TEX11: variants seen among roughly 807,000 people sequenced by gnomAD.
The protein encoded by TEX11 is testis-expressed protein 11.
A neutral mutation model predicts 84.4 loss-of-function variants in TEX11; 7 were observed. The observed-to-expected ratio is 0.08, with a 90% CI of 0.05 to 0.16. TEX11 has a LOEUF of 0.16. TEX11 is among the 10% of genes least tolerant of loss of function. TEX11 has a pLI of 1.00. For missense variants in TEX11, 551 were observed against 660.5 expected (o/e 0.83, Z 1.82); for synonymous variants, 264 against 222.8 (o/e 1.18, Z -1.64).
Position 70,814,339 on chromosome X carries a change from C to A in TEX11, c.607-7549G>T, listed in dbSNP as rs182318113. Among the ~76,000 whole-genome samples, 1,032 of 111,761 alleles carry A rather than the reference C, an allele frequency of 9.2e-3. 7 individuals are homozygous for A. The highest frequency in any genetic ancestry group is 0.032 in the African/African-American group (979 of 30,838). ...CGATCTTTGACAAACCTGACAAAAA[C>A]CAGTGAGTCATTTTTAAGGCTCAAA... On this transcript the variant is annotated intron_variant, in intron 8 of 29. Coordinates refer to ENST00000374333, the MANE Select transcript of TEX11 (RefSeq NM_031276.3).
chrX:70,825,376 A>G (rs1409478810), intron 8 of TEX11, among the ~76,000 whole-genome samples: 1 of 108,884 alleles, frequency 9.2e-6, no homozygotes, highest in African/African-American at 3.3e-5. Flanking sequence ...TCAATAAAAA[A>G]CTACTCGGTA....
chrX:70,682,549 T>C, intron 14 of TEX11, 125 bp downstream of exon 14: 1 of 736,995 alleles, frequency 1.4e-6, no homozygotes, highest in Non-Finnish European at 2.0e-6. Flanking sequence ...AAAAGACCAT[T>C]AGGGAGGAAG....
chrX:70,724,893 TA>T (rs1230568368), intron 12 of TEX11, among the ~76,000 whole-genome samples: 8 of 111,342 alleles, frequency 7.2e-5, no homozygotes, highest in African/African-American at 2.6e-4. Context: ...GCAATGTTTA[TA>T]AACAAGTAAT....
chrX:70,566,072 T>A (rs2088469753), intron 25 of TEX11, among the ~76,000 whole-genome samples: 1 of 108,546 alleles, frequency 9.2e-6, no homozygotes, highest in Non-Finnish European at 1.9e-5. Flanking sequence ...TATCCTCTTT[T>A]ATTTCCTTGA....
At chrX:70,545,029 A>T (rs960411857) in intron 28 of TEX11, among the ~76,000 whole-genome samples, 1 of 109,354 alleles carries the variant, frequency 9.1e-6, no homozygotes, top group Non-Finnish European at 1.9e-5. Context: ...ATGTGGTGAA[A>T]CCTCGTCTCC....
chrX:70,717,046 C>G (rs764907692), intron 13 of TEX11, among the ~76,000 whole-genome samples: 1 of 111,677 alleles, frequency 9.0e-6, no homozygotes, highest in South Asian at 3.7e-4. Context: ...ACCTGCTTTT[C>G]TAGAATCCAA....
At chrX:70,655,429 C>T (rs2089855169) in intron 16 of TEX11, among the ~76,000 whole-genome samples, 1 of 111,376 alleles carries the variant, frequency 9.0e-6, no homozygotes, top group South Asian at 3.8e-4. Context: ...ATTATAAAAT[C>T]AAAATACCAT....
intron 8 of TEX11, among the ~76,000 whole-genome samples, 189 bp from the exon 9 acceptor site, chrX:70,806,979 C>T (rs2091223198): frequency 8.9e-6 from 1 of 112,211 alleles, no homozygotes; most frequent in Non-Finnish European, 1.9e-5. Flanking sequence ...AATAAGCTTC[C>T]TTATCAAAAC....
chrX:70,873,158 A>C, intron 4 of TEX11, 65 bp downstream of exon 4: 1 of 659,752 alleles, frequency 1.5e-6, no homozygotes. Context: ...TTTAAACTGC[A>C]GGAATACTAC....
At chrX:70,534,766 T>A (rs2087934606) in intron 28 of TEX11, among the ~76,000 whole-genome samples, 1 of 112,306 alleles carries the variant, frequency 8.9e-6, no homozygotes. Flanking sequence ...ATCAGCTTTA[T>A]TAAGATACAA....
chrX:70,678,872 G>T lies in TEX11; in HGVS notation c.1174C>A (p.Gln392Lys). 8.5e-7 allele frequency: 1 copy of T among 1,171,891 alleles called. No homozygotes were observed. The highest frequency in any genetic ancestry group is 2.4e-5 in the Admixed American group (1 of 41,823). The change falls in exon 15 of 30, where the codon CAA becomes AAA. Residue 392 changes from glutamine to lysine, a missense_variant. By Grantham distance (53) the Gln-to-Lys change is moderately conservative. Coordinates refer to ENST00000374333, the MANE Select transcript of TEX11 (RefSeq NM_031276.3). ...EIFLAHQTGR[Q>K]LTAESMNWLH... is the part of the protein sequence containing the mutation. The stretch of plus-strand genomic sequence containing the variant: ...CAGTTCATTGATTCTGCTGTCAGTT[G>T]TCTTCCTGTTTGGTGAGCTGAAAAA...
chrX:70,644,599 A>G (rs1375460460), intron 17 of TEX11, among the ~76,000 whole-genome samples: 2 of 102,661 alleles, frequency 1.9e-5, no homozygotes, highest in Non-Finnish European at 4.0e-5. Context: ...GCCATAAAAA[A>G]TGATGAGTTC....
chrX:70,521,814 G>A, the TEX11 span, among the ~76,000 whole-genome samples: 1 of 111,421 alleles, frequency 9.0e-6, no homozygotes, highest in African/African-American at 3.3e-5. Flanking sequence ...GAAAAGAAAG[G>A]TAGCATGAGG....
At chrX:70,647,480 AG>A (rs1471960493) in intron 17 of TEX11, among the ~76,000 whole-genome samples, 1 of 110,307 alleles carries the variant, frequency 9.1e-6, no homozygotes. Flanking sequence ...GGGAGGCTGA[AG>A]CAGGAGGATT....
At chrX:70,867,775 G>C (rs1199861037) in intron 4 of TEX11, among the ~76,000 whole-genome samples, 1 of 111,446 alleles carries the variant, frequency 9.0e-6, no homozygotes, top group Non-Finnish European at 1.9e-5. Context: ...AAGCAATGGG[G>C]GAAGGATTCC....
chrX:70,639,397 C>A (rs1053458041), intron 17 of TEX11, among the ~76,000 whole-genome samples: 9 of 111,940 alleles, frequency 8.0e-5, no homozygotes, highest in African/African-American at 2.9e-4. Flanking sequence ...CCGGGAAGCT[C>A]GAACTGAGTG....
intron 25 of TEX11, among the ~76,000 whole-genome samples, chrX:70,583,586 T>C (rs1396134601): frequency 8.9e-6 from 1 of 112,443 alleles, no homozygotes. Flanking sequence ...GGTGCTGGTA[T>C]CTTTTTAATA....
At chrX:70,758,065 A>C (rs996264331) in intron 9 of TEX11, among the ~76,000 whole-genome samples, 1 of 112,088 alleles carries the variant, frequency 8.9e-6, no homozygotes, top group African/African-American at 3.2e-5. Flanking sequence ...GTTCAACAAG[A>C]AGAGCTAACT....
chrX:70,833,665 T>C, intron 7 of TEX11, 72 bp from the exon 8 acceptor site: 2 of 823,002 alleles, frequency 2.4e-6, no homozygotes, highest in Non-Finnish European at 3.6e-6. Context: ...AATTTTAGCA[T>C]ATTTTAACTA....
Sources: allele counts gnomAD v4.1 joint callset (sites outside exome capture counted in the v4.1 genomes callset), GRCh38; gene constraint gnomAD v4.1.1; transcripts MANE v1.5; gene names NCBI Gene and HGNC (gene_info 2026-07-23, HGNC 2026-07-21).